SNX29: variants seen among roughly 807,000 people sequenced by gnomAD.
The protein encoded by SNX29 is sorting nexin 29.
SNX29 carries 78 observed loss-of-function variants against 102.1 expected under a neutral mutation model. The ratio of observed to expected loss-of-function variants is 0.76; its 90% confidence interval spans 0.64 to 0.92. The LOEUF is 0.92. Ranked by LOEUF, SNX29 falls within the 40% of genes least tolerant of loss-of-function variation. SNX29 has a pLI of 0.00. For synonymous variants in SNX29, 580 were observed against 414.5 expected, an observed-to-expected ratio of 1.40 and a Z score of -4.85; for missense variants, 1,280 against 1,061.7, an observed-to-expected ratio of 1.21 and a Z score of -2.86.
intron 14 of SNX29, among the ~76,000 whole-genome samples, chr16:12,250,998 G>A (rs907587091): frequency 2.0e-5 from 3 of 152,242 alleles, no homozygotes; most frequent in Middle Eastern, 3.2e-3. Flanking sequence ...AGAGCTCCAC[G>A]ATGGCCCCCT....
chr16:12,491,749 A>G (rs532925093), intron 19 of SNX29, among the ~76,000 whole-genome samples: 25 of 151,594 alleles, frequency 1.6e-4, no homozygotes, highest in African/African-American at 6.1e-4. Flanking sequence ...CTCATTGTTC[A>G]ATTCCCACCT....
At chr16:12,480,226 A>G (rs1262918379) in intron 19 of SNX29, among the ~76,000 whole-genome samples, 6 of 152,234 alleles carry the variant, frequency 3.9e-5, no homozygotes, top group Non-Finnish European at 7.3e-5. Context: ...TCAGAAGTCC[A>G]AAATGAGCGT....
At chr16:12,544,163 G>A (rs1794312) in intron 20 of SNX29, among the ~76,000 whole-genome samples, 18,228 of 152,226 alleles carry the variant, frequency 0.12, 1,370 homozygotes, top group Non-Finnish European at 0.16. Context: ...CTAAGAACAC[G>A]GGATGGGAAT....
At chr16:12,533,274 C>T (rs907319130) in intron 20 of SNX29, among the ~76,000 whole-genome samples, 12 of 152,236 alleles carry the variant, frequency 7.9e-5, no homozygotes, top group South Asian at 2.1e-4. Flanking sequence ...TTGCAGAATC[C>T]GTAGCAGCTT....
intron 18 of SNX29, among the ~76,000 whole-genome samples, chr16:12,425,048 TAAAC>T (rs1311907116): frequency 3.9e-5 from 6 of 152,228 alleles, no homozygotes; most frequent in Non-Finnish European, 7.3e-5. Flanking sequence ...CTGGATCTCA[TAAAC>T]AATGTTGAGT....
chr16:12,149,593 C>T (rs2055213061), intron 13 of SNX29, among the ~76,000 whole-genome samples: 1 of 152,182 alleles, frequency 6.6e-6, no homozygotes, highest in South Asian at 2.1e-4. Context: ...ACTCTAATCC[C>T]TGCAGTAAGC....
chr16:12,321,175 C>T (rs2080919181), intron 15 of SNX29, among the ~76,000 whole-genome samples: 2 of 152,144 alleles, frequency 1.3e-5, no homozygotes, highest in South Asian at 2.1e-4. Flanking sequence ...CCTACCACAT[C>T]CCAGTCTCAC....
rs141490798 is a variant in SNX29, at chr16:12,122,502, A to G, written c.1403-4131A>G. ...AGGCGCTCCCCAAGCAGAAGCTTGAAGGACAACCTGGAGTGAGGGAGGGGG... is the reference window on the plus strand; with the variant it reads ...AGGCGCTCCCCAAGCAGAAGCTTGAGGGACAACCTGGAGTGAGGGAGGGGG... On this transcript the variant is annotated intron_variant, in intron 11 of 20. Coordinates refer to ENST00000566228, the MANE Select transcript of SNX29 (RefSeq NM_032167.5). Among the ~76,000 whole-genome samples the G allele has an allele frequency of 1.3e-3, 200 of 152,214 alleles. 2 individuals are homozygous for G. Among genetic ancestry groups the G allele is most frequent in the Non-Finnish European group, 5.6e-4 (38 of 68,018 alleles).
intron 13 of SNX29, among the ~76,000 whole-genome samples, chr16:12,191,116 G>C (rs147651008): frequency 1.3e-5 from 2 of 152,264 alleles, no homozygotes; most frequent in African/African-American, 4.8e-5. Flanking sequence ...TCAGACATTA[G>C]ATTTTTATAG....
chr16:12,116,837 C>T (rs2053727375), intron 11 of SNX29, among the ~76,000 whole-genome samples: 1 of 152,090 alleles, frequency 6.6e-6, no homozygotes, highest in African/African-American at 2.4e-5. Flanking sequence ...TCAATACGTG[C>T]TTCAACGAGG....
intron 14 of SNX29, among the ~76,000 whole-genome samples, chr16:12,268,543 G>T (rs1157999143): frequency 1.3e-5 from 2 of 152,148 alleles, no homozygotes; most frequent in South Asian, 2.1e-4. Context: ...TGGGTAACCG[G>T]TGTCTTGTAG....
At chr16:12,139,537 T>G (rs1310707330) in intron 13 of SNX29, among the ~76,000 whole-genome samples, 1 of 152,216 alleles carries the variant, frequency 6.6e-6, no homozygotes, top group Non-Finnish European at 1.5e-5. Flanking sequence ...TCCAGCACCT[T>G]AATTGTTCTC....
At chr16:12,521,508 T>C (rs1285919723) in intron 19 of SNX29, among the ~76,000 whole-genome samples, 1 of 152,156 alleles carries the variant, frequency 6.6e-6, no homozygotes, top group African/African-American at 2.4e-5. Context: ...CCACATATAG[T>C]AGGAAGGACC....
At chr16:12,388,094 G>A (rs774633237) in intron 16 of SNX29, among the ~76,000 whole-genome samples, 5 of 152,130 alleles carry the variant, frequency 3.3e-5, no homozygotes, top group Non-Finnish European at 7.3e-5. Flanking sequence ...CTTCCCTTTC[G>A]AGGCACCGCC....
intron 13 of SNX29, among the ~76,000 whole-genome samples, chr16:12,143,999 G>A (rs1460177215): frequency 6.6e-6 from 1 of 152,098 alleles, no homozygotes; most frequent in Non-Finnish European, 1.5e-5. Context: ...AAACCTTAAT[G>A]TACCCACGAA....
intron 10 of SNX29, among the ~76,000 whole-genome samples, chr16:12,070,401 C>T (rs886791787): frequency 7.0e-6 from 1 of 143,454 alleles, no homozygotes; most frequent in Non-Finnish European, 1.5e-5. Flanking sequence ...TTGTTCAATT[C>T]CTATCTATGA....
At chr16:12,443,619 T>A in intron 18 of SNX29, among the ~76,000 whole-genome samples, 1 of 152,190 alleles carries the variant, frequency 6.6e-6, no homozygotes, top group Non-Finnish European at 1.5e-5. Flanking sequence ...ACTGGCTAAC[T>A]TTTGTGTTTT....
intron 15 of SNX29, among the ~76,000 whole-genome samples, chr16:12,349,768 C>T (rs1298933371): frequency 1.3e-5 from 2 of 152,082 alleles, no homozygotes; most frequent in Non-Finnish European, 2.9e-5. Flanking sequence ...AATGTGTCTG[C>T]AGTTTGGCTT....
At chr16:12,542,185 C>G (rs918468361) in intron 20 of SNX29, among the ~76,000 whole-genome samples, 3 of 152,184 alleles carry the variant, frequency 2.0e-5, no homozygotes, top group African/African-American at 4.8e-5. Context: ...TGTGCTAAGC[C>G]TTTTCCACAC....
Sources: allele counts gnomAD v4.1 joint callset (sites outside exome capture counted in the v4.1 genomes callset), GRCh38; gene constraint gnomAD v4.1.1; transcripts MANE v1.5; gene names NCBI Gene and HGNC (gene_info 2026-07-23, HGNC 2026-07-21).